Variants in RBFOX1 observed in about 807,000 individuals in gnomAD.
The protein encoded by RBFOX1 is RNA binding fox-1 homolog 1.
A neutral mutation model predicts 57.7 loss-of-function variants in RBFOX1; 8 were observed. That is an observed-to-expected ratio of 0.14 (90% CI 0.08 to 0.25). RBFOX1 has a LOEUF of 0.25. Ranked by LOEUF, RBFOX1 falls within the 10% of genes least tolerant of loss-of-function variation. The probability of loss-of-function intolerance (pLI) is 1.00; values close to 1 mark genes in which losing one functional copy is unlikely to be tolerated. For missense variants in RBFOX1, 611 were observed against 548.5 expected, an observed-to-expected ratio of 1.11 and a Z score of -1.14; for synonymous variants, 326 against 222.4, an observed-to-expected ratio of 1.47 and a Z score of -4.15.
At chr16:5,921,754 G>A (rs1044441675) in intron 4 of RBFOX1, among the ~76,000 whole-genome samples, 3 of 152,066 alleles carry the variant, frequency 2.0e-5, no homozygotes, top group Non-Finnish European at 4.4e-5. Context: ...GAGGCCTCAG[G>A]AAGCTTCCAA....
intron 3 of RBFOX1, among the ~76,000 whole-genome samples, chr16:6,774,753 G>T (rs561157189): frequency 2.1e-4 from 32 of 152,002 alleles, no homozygotes; most frequent in Non-Finnish European, 3.7e-4. Flanking sequence ...TAGTTCAACT[G>T]TTGAGTTGAA....
intron 4 of RBFOX1, among the ~76,000 whole-genome samples, chr16:7,473,300 C>G (rs968589028): frequency 2.0e-5 from 3 of 151,752 alleles, no homozygotes; most frequent in African/African-American, 7.3e-5. Context: ...ATTGCTTGAA[C>G]TCAGGAGGCG....
intron 4 of RBFOX1, among the ~76,000 whole-genome samples, chr16:7,300,010 G>C (rs912083126): frequency 1.3e-5 from 2 of 152,184 alleles, no homozygotes; most frequent in Non-Finnish European, 2.9e-5. Flanking sequence ...AGATTGGAAG[G>C]AGCGGGATGC....
intron 3 of RBFOX1, among the ~76,000 whole-genome samples, chr16:5,653,246 G>T (rs1350472753): frequency 1.3e-5 from 2 of 151,534 alleles, no homozygotes; most frequent in Admixed American, 1.3e-4. Flanking sequence ...GGGGTGTGGA[G>T]CCATGTGCTG....
chr16:5,884,722 A>G (rs2057854618), intron 4 of RBFOX1, among the ~76,000 whole-genome samples: 1 of 152,024 alleles, frequency 6.6e-6, no homozygotes, highest in African/African-American at 2.4e-5. Context: ...CCTGATCTGT[A>G]AATTGGAGTT....
chr16:5,335,317 G>T (rs2064868299), intron 1 of RBFOX1, among the ~76,000 whole-genome samples: 1 of 152,208 alleles, frequency 6.6e-6, no homozygotes, highest in Admixed American at 6.5e-5. Flanking sequence ...GGAGCCTGAG[G>T]CTTGCCGCTG....
At chr16:6,884,217 C>T (rs886836798) in intron 3 of RBFOX1, among the ~76,000 whole-genome samples, 2 of 152,210 alleles carry the variant, frequency 1.3e-5, no homozygotes, top group African/African-American at 4.8e-5. Flanking sequence ...TGCAGTCAGC[C>T]ATGCTGCAGA....
intron 4 of RBFOX1, among the ~76,000 whole-genome samples, chr16:5,970,409 A>AT (rs377607123): frequency 6.6e-6 from 1 of 151,980 alleles, no homozygotes; most frequent in Middle Eastern, 3.2e-3. Context: ...GCTTATGGTC[A>AT]TTTTTTTGGG....
chr16:5,242,546 C>G lies in RBFOX1; in HGVS notation c.219+2441C>G, dbSNP rs182446505. Among the ~76,000 whole-genome samples the G allele has an allele frequency of 2.2e-4, 34 of 152,302 alleles. No homozygotes were observed. In the East Asian group the frequency reaches 6.0e-3, roughly 27 times the overall value. On this transcript the variant is annotated intron_variant, in intron 1 of 2. Transcript: ENST00000585867. ...AGCAGTGTCAGGCTGGTGTGAGAATCAGCAGCGATTTCTTTGAGGAGGAGA... is the reference window on the plus strand; with the variant it reads ...AGCAGTGTCAGGCTGGTGTGAGAATGAGCAGCGATTTCTTTGAGGAGGAGA...
intron 1 of RBFOX1, among the ~76,000 whole-genome samples, chr16:6,129,230 C>T (rs775533597): frequency 6.6e-6 from 1 of 151,880 alleles, no homozygotes; most frequent in African/African-American, 2.4e-5. Flanking sequence ...TCAGAAATGA[C>T]TTTAAAACCA....
intron 3 of RBFOX1, among the ~76,000 whole-genome samples, chr16:6,928,845 G>C (rs9928304): frequency 0.74 from 112,173 of 152,096 alleles, 41,709 homozygotes; most frequent in African/African-American, 0.84. Flanking sequence ...AAATCAGCCA[G>C]TTAAAACCAC....
chr16:7,051,313 C>G (rs909729533), intron 3 of RBFOX1, among the ~76,000 whole-genome samples: 2 of 152,208 alleles, frequency 1.3e-5, no homozygotes, highest in African/African-American at 4.8e-5. Context: ...CGACTCCACC[C>G]ATCCCCTTAA....
chr16:5,808,632 T>A (rs980601827), intron 3 of RBFOX1, among the ~76,000 whole-genome samples: 1 of 152,204 alleles, frequency 6.6e-6, no homozygotes, highest in Non-Finnish European at 1.5e-5. Context: ...AGAGGTCCTT[T>A]ACGTCCCTTG....
At chr16:5,721,496 T>C (rs1352754886) in intron 3 of RBFOX1, among the ~76,000 whole-genome samples, 6 of 152,262 alleles carry the variant, frequency 3.9e-5, no homozygotes, top group Middle Eastern at 3.4e-3. Context: ...GACCCTCCAG[T>C]GTAATGTTGA....
chr16:5,813,542 C>G lies in RBFOX1; in HGVS notation c.319-53761C>G, dbSNP rs556608884. On this transcript the variant is annotated intron_variant, in intron 3 of 19. Transcript: ENST00000641259. The stretch of plus-strand genomic sequence containing the variant: ...AACCTTGTACATACCATGCTCACTG[C>G]AAGAAGCCAGGCATAAAAGGTCACA... Among the ~76,000 whole-genome samples, 7 of 152,284 alleles carry G rather than the reference C, an allele frequency of 4.6e-5. No homozygotes were observed. The South Asian group carries it at 1.2e-3, about 27-fold the overall frequency.
At chr16:6,894,472 T>C (rs965666291) in intron 3 of RBFOX1, among the ~76,000 whole-genome samples, 6 of 152,166 alleles carry the variant, frequency 3.9e-5, no homozygotes, top group Admixed American at 1.3e-4. Context: ...TATCTTTTGG[T>C]TGGACTCCTG....
intron 3 of RBFOX1, among the ~76,000 whole-genome samples, chr16:6,968,513 G>T (rs889231119): frequency 6.6e-6 from 1 of 152,110 alleles, no homozygotes; most frequent in Non-Finnish European, 1.5e-5. Context: ...TCCCATAGCC[G>T]TTTCCTGAGA....
intron 2 of RBFOX1, among the ~76,000 whole-genome samples, chr16:5,572,060 C>G (rs1342457722): frequency 1.3e-5 from 2 of 152,132 alleles, no homozygotes; most frequent in African/African-American, 4.8e-5. Context: ...TGACATAGAA[C>G]AAGCTCTGCA....
intron 4 of RBFOX1, among the ~76,000 whole-genome samples, chr16:5,996,571 C>T: frequency 6.6e-6 from 1 of 151,648 alleles, no homozygotes; most frequent in East Asian, 1.9e-4. Context: ...GGGCTATTTG[C>T]AAAACATGGA....
Sources: allele counts gnomAD v4.1 joint callset (sites outside exome capture counted in the v4.1 genomes callset), GRCh38; gene constraint gnomAD v4.1.1; transcripts MANE v1.5; gene names NCBI Gene and HGNC (gene_info 2026-07-23, HGNC 2026-07-21).